The following NPHP4 variants were observed in gnomAD, a reference collection of about 807,000 sequenced individuals.
The protein encoded by NPHP4 is nephrocystin 4, also known as nephrocystin-4.
NPHP4 carries 151 observed loss-of-function variants against 155.8 expected under a neutral mutation model. The observed-to-expected ratio is 0.97, with a 90% CI of 0.85 to 1.11. The LOEUF (loss-of-function observed/expected upper bound fraction) is 1.11, where lower values mean the gene tolerates loss of function less well. Ranked by LOEUF, NPHP4 falls within the 50% of genes least tolerant of loss-of-function variation. NPHP4 has a pLI of 0.00. For missense variants in NPHP4, 1,956 were observed against 1,925.7 expected (o/e 1.02, Z -0.29); for synonymous variants, 845 against 816.8 (o/e 1.03, Z -0.59).
chr1:5,919,613 A>G (rs1456143697), intron 11 of NPHP4, among the ~76,000 whole-genome samples: 1 of 152,186 alleles, frequency 6.6e-6, no homozygotes, highest in African/African-American at 2.4e-5. Flanking sequence ...AGCATGCCCT[A>G]AAGTGTTTGC....
chr1:5,975,439 G>T (rs896940436), intron 3 of NPHP4, among the ~76,000 whole-genome samples: 2 of 152,188 alleles, frequency 1.3e-5, no homozygotes, highest in Admixed American at 6.5e-5. Context: ...CCTCACAGCT[G>T]AAAGTGCCCT....
intron 9 of NPHP4, among the ~76,000 whole-genome samples, chr1:5,942,604 A>G (rs1646882569): frequency 6.9e-6 from 1 of 144,530 alleles, no homozygotes; most frequent in Non-Finnish European, 1.5e-5. Flanking sequence ...AAAAAAAAAA[A>G]GCTGAGGAAC....
At chr1:5,978,523 G>T (rs4908639) in intron 2 of NPHP4, 110 bp from the exon 3 acceptor site, 2 of 967,782 alleles carry the variant, frequency 2.1e-6, no homozygotes, top group Non-Finnish European at 1.6e-6. Flanking sequence ...ATATCAGCAC[G>T]CTGGTTTCCT....
chr1:5,977,156 G>C (rs901736689), intron 3 of NPHP4, among the ~76,000 whole-genome samples: 1 of 152,146 alleles, frequency 6.6e-6, no homozygotes, highest in Non-Finnish European at 1.5e-5. Context: ...TGAAGCAGCA[G>C]CCAGGCATGG....
intron 27 of NPHP4, 60 bp from the exon 28 acceptor site, chr1:5,864,577 T>A: frequency 7.1e-7 from 1 of 1,415,720 alleles, no homozygotes; most frequent in Non-Finnish European, 9.4e-7. Context: ...AGCAAGGGGC[T>A]CCTGGGCGCC....
Position 5,962,028 on chromosome 1 carries a change from A to C in NPHP4, c.518-79T>G, listed in dbSNP as rs1223903742. 5 of 1,122,740 alleles carry C rather than the reference A, an allele frequency of 4.5e-6. No individual in the cohort carries two copies. In the African/African-American group the frequency reaches 7.7e-5, roughly 17 times the overall value. 69.5% of individuals were successfully genotyped at this position (1,122,740 alleles called of 1,614,324 possible). ...CAGTCAAACCAGCCAATTAACAGAG[A>C]ATGTTAGAAACACCACAAACAGGAA... On this transcript the variant is annotated intron_variant, in intron 5 of 29. Coordinates refer to ENST00000378156, the MANE Select transcript of NPHP4 (RefSeq NM_015102.5).
intron 20 of NPHP4, 142 bp from the exon 21 acceptor site, chr1:5,875,242 A>C: frequency 1.4e-6 from 1 of 722,676 alleles, no homozygotes; most frequent in Non-Finnish European, 2.4e-6. Context: ...TTCCTTGACC[A>C]TGTGGTCTGG....
Position 5,907,201 on chromosome 1 carries a change from C to G in NPHP4, c.1525G>C (p.Ala509Pro). ...GPGLSISQLA[A>P]SPRSPTQHCL... is the part of the protein sequence containing the mutation. ...TGCTGAGTCGGGGACCGCGGGGAGG[C>G]CGCCAGCTGGGAAATTGACAACTGG... The change falls in exon 13 of 30, where the codon GCC becomes CCC. Residue 509 changes from alanine (A) to proline (P), a missense_variant. Ala to Pro is a conservative substitution (Grantham distance 27, BLOSUM62 -1). Transcript: ENST00000378156. 6.3e-7 allele frequency: 1 copy of G among 1,582,338 alleles called. No homozygotes were observed.
intron 12 of NPHP4, among the ~76,000 whole-genome samples, chr1:5,908,561 G>A (rs6692955): frequency 0.028 from 4,228 of 152,298 alleles, 195 homozygotes; most frequent in African/African-American, 0.096. Flanking sequence ...ACTCCAGAAC[G>A]GCAGCCAAGC....
In NPHP4 at chr1:5,863,310, C is replaced by CTCATCATGGTCCTACA; in HGVS notation, c.4235_4236insTGTAGGACCATGATGA (p.Glu1412AspfsTer5). ...CGCAAAATGCCTCTTCGTTTTTGTC[C>CTCATCATGGTCCTACA]TCATGGTCATTGATGTAGATCAGGA... is the stretch of plus-strand genomic sequence containing the variant. On this transcript the variant is annotated stop_gained and frameshift_variant, in exon 30 of 30. Transcript: ENST00000378156. LOFTEE classifies it high-confidence loss of function. 6.2e-7 allele frequency: 1 copy of CTCATCATGGTCCTACA among 1,614,048 alleles called. No homozygotes were observed. The highest frequency in any genetic ancestry group is 8.5e-7 in the Non-Finnish European group (1 of 1,179,878).
In NPHP4 at chr1:5,949,449, T is replaced by A. The variant is rs112506708; in HGVS notation, c.811-1198A>T. Among the ~76,000 whole-genome samples, 633 of 151,808 alleles carry A rather than the reference T, an allele frequency of 4.2e-3. 5 individuals carry two copies. Among genetic ancestry groups the A allele is most frequent in the African/African-American group, 0.014 (599 of 41,338 alleles). The stretch of plus-strand genomic sequence containing the variant: ...AACTAAATAGTACAGCCCTCCTATG[T>A]GCCAAACACCGTTCATGCACATCAC... On this transcript the variant is annotated intron_variant, in intron 7 of 29. Transcript: ENST00000378156.
rs1644002547 is a variant in NPHP4, at chr1:5,889,510, G to A, written c.2304+1358C>T. On this transcript the variant is annotated intron_variant, in intron 17 of 29. Coordinates refer to ENST00000378156, the MANE Select transcript of NPHP4 (RefSeq NM_015102.5). This position sits in a 1 kb window ranked among gnomAD's most constrained non-coding sequence, Gnocchi z 4.2. ...GAGATCAAATGGCTTCCGTCTCCAG[G>A]TGGCACAGCAAAGAGGGGGCACAAG... Among the ~76,000 whole-genome samples, 1 of 151,754 alleles carries A rather than the reference G, an allele frequency of 6.6e-6. No individual in the cohort carries two copies. Among genetic ancestry groups the A allele is most frequent in the Admixed American group, 6.6e-5 (1 of 15,240 alleles).
chr1:5,875,610 C>A (rs3810994), intron 20 of NPHP4, among the ~76,000 whole-genome samples: 14 of 152,102 alleles, frequency 9.2e-5, no homozygotes, highest in Non-Finnish European at 1.9e-4. Flanking sequence ...TCAGCCACCC[C>A]CTTGCTCTGA....
At chr1:5,978,513 A>AT (rs1654105768) in intron 2 of NPHP4, 100 bp from the exon 3 acceptor site, 1 of 1,117,846 alleles carries the variant, frequency 8.9e-7, no homozygotes, top group South Asian at 1.4e-5. Context: ...CCTCGCTCAG[A>AT]TATCAGCACG....
chr1:5,866,280 G>C, intron 26 of NPHP4, 93 bp downstream of exon 26: 1 of 849,972 alleles, frequency 1.2e-6, no homozygotes, highest in Non-Finnish European at 2.0e-6. Flanking sequence ...TTTAGGAAGG[G>C]GCCAAGCCCA....
At chr1:5,960,967 C>A (rs1010265488) in intron 6 of NPHP4, among the ~76,000 whole-genome samples, 19 of 152,306 alleles carry the variant, frequency 1.2e-4, no homozygotes, top group Admixed American at 5.9e-4. Context: ...AAACAATCAG[C>A]AGAACATGGT....
chr1:5,886,871 C>T (rs1234856215), intron 18 of NPHP4: 2 of 169,986 alleles, frequency 1.2e-5, no homozygotes, highest in Non-Finnish European at 2.5e-5. Context: ...GGTGCTGGGC[C>T]GAGAAGAAAT....
rs1400602210 is a variant in NPHP4, at chr1:5,964,937, A to ATTTTTTTTTTTT, written c.517+2361_517+2362insAAAAAAAAAAAA. On this transcript the variant is annotated intron_variant, in intron 5 of 29. Transcript: ENST00000378156. ...ATATATTATATATATATATATATAT[A>ATTTTTTTTTTTT]TATATTTTTTTTTTTTGAGGCAGGG... Among the ~76,000 whole-genome samples, 128 of 54,900 alleles carry ATTTTTTTTTTTT rather than the reference A, an allele frequency of 2.3e-3. 6 individuals are homozygous for ATTTTTTTTTTTT. Among genetic ancestry groups the ATTTTTTTTTTTT allele is most frequent in the African/African-American group, 5.6e-3 (60 of 10,770 alleles). 36.0% of individuals were successfully genotyped at this position (54,900 alleles called of 152,430 possible). A position where few individuals can be genotyped will look rare whatever the true frequency, so the allele number is the denominator to read the frequency against.
intron 1 of NPHP4, among the ~76,000 whole-genome samples, chr1:5,989,045 G>C (rs1655882771): frequency 6.6e-6 from 1 of 152,136 alleles, no homozygotes; most frequent in Non-Finnish European, 1.5e-5. Context: ...TTCCATGTAT[G>C]GGGAGAGCTG....
Sources: gnomAD v4.1 joint callset for allele counts (sites outside exome capture counted in the v4.1 genomes callset) on GRCh38, gnomAD v4.1.1 for gene constraint, Gnocchi (gnomAD v3.1) non-coding constraint, MANE v1.5 for transcripts, NCBI Gene and HGNC (gene_info 2026-07-23, HGNC 2026-07-21) for gene names.